Variants in CLK2 observed in about 807,000 individuals in gnomAD.
The protein encoded by CLK2 is CDC like kinase 2.
Under a neutral mutation model 73.5 loss-of-function variants are expected in CLK2, and 12 were observed. The observed-to-expected ratio is 0.16, with a 90% CI of 0.10 to 0.26. The LOEUF (loss-of-function observed/expected upper bound fraction) is 0.26. CLK2 is among the 10% of genes least tolerant of loss of function. The probability of loss-of-function intolerance (pLI) is 1.00; values close to 1 mark genes in which losing one functional copy is unlikely to be tolerated. For missense variants in CLK2, 509 were observed against 688.4 expected (o/e 0.74, Z 2.92); for synonymous variants, 232 against 237.9 (o/e 0.98, Z 0.23).
At chr1:155,266,039 G>A (rs1036210329) in intron 7 of CLK2, 85 bp from the exon 8 acceptor site, 2 of 875,856 alleles carry the variant, frequency 2.3e-6, no homozygotes, top group Admixed American at 1.7e-5. Context: ...GTTACCTAGG[G>A]CAAAGCCAGT....
At chr1:155,267,975 T>C (rs759953072) in intron 6 of CLK2, 35 bp downstream of exon 6, 2 of 1,491,454 alleles carry the variant, frequency 1.3e-6, no homozygotes, top group East Asian at 2.3e-5. Context: ...GGGTTGGGGC[T>C]CTCAGCCTCC....
chr1:155,265,767 G>A (rs1333891939), intron 8 of CLK2, 93 bp downstream of exon 8: 25 of 860,058 alleles, frequency 2.9e-5, no homozygotes, highest in South Asian at 9.3e-5. Flanking sequence ...GTGGGAGGAC[G>A]AAATAAAAGG....
Position 155,268,891 on chromosome 1 carries a change from G to C in CLK2, c.400-96C>G, listed in dbSNP as rs941071398. 2 of 732,640 alleles carry C rather than the reference G, an allele frequency of 2.7e-6. No homozygotes were observed. The highest frequency in any genetic ancestry group is 4.8e-6 in the Non-Finnish European group (2 of 415,520). The allele number at this position is 732,640 out of a possible 1,614,324, so 45.4% of individuals were successfully genotyped here. ...GGTAGAGGGGTCACCGGTCACAGGC[G>C]CCCAGCCAGGGGGGACAGACGATGA... On this transcript the variant is annotated intron_variant, in intron 3 of 12. Transcript: ENST00000368361. This position sits in a 1 kb window ranked among gnomAD's most constrained non-coding sequence, Gnocchi z 5.6.
intron 6 of CLK2, among the ~76,000 whole-genome samples, 197 bp from the exon 7 acceptor site, chr1:155,267,092 GT>G (rs1330947756): frequency 6.6e-6 from 1 of 151,876 alleles, no homozygotes; most frequent in Non-Finnish European, 1.5e-5. Context: ...TATCTGCCAG[GT>G]TTTTTTCTTT....
At chr1:155,266,690 G>A in intron 7 of CLK2, 39 bp downstream of exon 7, 1 of 1,590,860 alleles carries the variant, frequency 6.3e-7, no homozygotes, top group Non-Finnish European at 8.5e-7. Flanking sequence ...AATGAAGGGA[G>A]GGACTGCCCC....
intron 8 of CLK2, 78 bp from the exon 9 acceptor site, chr1:155,264,852 G>A: frequency 6.4e-7 from 1 of 1,557,796 alleles, no homozygotes; most frequent in Non-Finnish European, 8.8e-7. Flanking sequence ...TTGCTTCTGA[G>A]CCTTAAAAAA....
rs1249816318 is a variant in CLK2, at chr1:155,266,820, G to A, written c.747C>T (p.Ser249=). Residue 249 remains serine (S), a synonymous_variant, in exon 7 of 13, where the codon AGC becomes AGT. Coordinates refer to ENST00000368361, the MANE Select transcript of CLK2 (RefSeq NM_001294338.2). ...TGTTGTCTTTGAGGAAATCGAAGGT[G>A]CTAAGGCCCAGAAGCTCAAAGGAGA... ...MCISFELLGL[S]TFDFLKDNNY... is the part of the protein sequence containing the mutation. The A allele has an allele frequency of 6.2e-7, 1 of 1,613,232 alleles. No individual in the cohort carries two copies. Among genetic ancestry groups the A allele is most frequent in the Admixed American group, 1.7e-5 (1 of 59,822 alleles).
chr1:155,270,865 C>G lies in CLK2; in HGVS notation c.113G>C (p.Ser38Thr), dbSNP rs141175277. 4.6e-4 allele frequency: 746 copies of G among 1,614,208 alleles called. 2 individuals carry two copies. The highest frequency in any genetic ancestry group is 1.8e-3 in the Admixed American group (107 of 60,026). Reference protein sequence around the residue: ...KRRRSRSWSSSSDRTRRRRRE... With the variant: ...KRRRSRSWSSTSDRTRRRRRE... ...CCGACGCCGTCGTGTCCGGTCACTA[C>G]TACTTGACCAGGAGCGACTTCTTCG... The change falls in exon 2 of 13, where the codon AGT becomes ACT. Residue 38 changes from serine to threonine, a missense_variant. By Grantham distance (58) the Ser-to-Thr change is moderately conservative (BLOSUM62 1). Coordinates refer to ENST00000368361, the MANE Select transcript of CLK2 (RefSeq NM_001294338.2).
At chr1:155,265,024 A>G (rs992108768) in intron 8 of CLK2, among the ~76,000 whole-genome samples, 1 of 152,158 alleles carries the variant, frequency 6.6e-6, no homozygotes, top group African/African-American at 2.4e-5. Context: ...ACTACACTCA[A>G]GTGCCAGATA....
rs1673042848 is a variant in CLK2 at position 155,263,002 on chromosome 1, A to C, written c.*216T>G. On this transcript the variant is annotated 3_prime_UTR_variant, in exon 13 of 13. Transcript: ENST00000368361. ...CGTATGAGGGGGCAGGTGAGGGTGGAAACTGTGTGGATGGAATAGTATTAT... is the reference window on the plus strand; with the variant it reads ...CGTATGAGGGGGCAGGTGAGGGTGGCAACTGTGTGGATGGAATAGTATTAT... 2.0e-6 allele frequency: 1 copy of C among 489,234 alleles called. No individual in the cohort carries two copies. The highest frequency in any genetic ancestry group is 3.5e-6 in the Non-Finnish European group (1 of 285,640). The allele number at this position is 489,234 out of a possible 1,614,324, so 30.3% of individuals were successfully genotyped here.
At chr1:155,271,052 A>C in intron 1 of CLK2, 75 bp from the exon 2 acceptor site, 1 of 1,459,620 alleles carries the variant, frequency 6.9e-7, no homozygotes, top group Admixed American at 1.7e-5. Context: ...GGCTGCTCCA[A>C]AGATGCTAAG....
intron 1 of CLK2, among the ~76,000 whole-genome samples, chr1:155,271,327 G>A (rs943896313): frequency 1.8e-4 from 27 of 152,298 alleles, no homozygotes; most frequent in African/African-American, 6.3e-4. Context: ...CCAGGTTCAA[G>A]CAACTCTCCT....
Position 155,268,107 on chromosome 1 carries a change from G to C in CLK2, c.574C>G (p.Leu192Val). 4 of 1,614,108 alleles carry C rather than the reference G, an allele frequency of 2.5e-6. No individual in the cohort carries two copies. Among genetic ancestry groups the C allele is most frequent in the Non-Finnish European group, 3.4e-6 (4 of 1,179,986 alleles). ...TTCTCCACATTCTTAATGATCTTCA[G>C]GGCAACTCGAGCCCCACCCCTGTAA... ...DHRRGGARVA[L>V]KIIKNVEKYK... Residue 192 changes from leucine to valine, a missense_variant, in exon 6 of 13, where the codon CTG (leucine) becomes GTG (valine). Transcript: ENST00000368361. The surrounding 1 kb of genome is among the most constrained non-coding windows in gnomAD (Gnocchi z 5.6).
At chr1:155,270,611 G>A (rs1673448268) in intron 2 of CLK2, among the ~76,000 whole-genome samples, 197 bp downstream of exon 2, 2 of 152,142 alleles carry the variant, frequency 1.3e-5, no homozygotes, top group Admixed American at 1.3e-4. Flanking sequence ...CAAACGCACT[G>A]GGTACGTCCT....
At chr1:155,269,819 G>C (rs1673416340) in intron 2 of CLK2, 103 bp from the exon 3 acceptor site, 1 of 1,088,964 alleles carries the variant, frequency 9.2e-7, no homozygotes, top group Non-Finnish European at 1.4e-6. Context: ...AGTAATGCTA[G>C]AAAACTGTTC....
intron 1 of CLK2, 31 bp from the exon 2 acceptor site, chr1:155,271,008 A>C: frequency 6.3e-7 from 1 of 1,595,088 alleles, no homozygotes; most frequent in Non-Finnish European, 8.6e-7. Context: ...GAAATAGGAA[A>C]GTTTCGAGTT....
intron 1 of CLK2, among the ~76,000 whole-genome samples, chr1:155,272,380 G>C (rs1163366283): frequency 6.6e-6 from 1 of 152,142 alleles, no homozygotes; most frequent in Non-Finnish European, 1.5e-5. Flanking sequence ...CCAGTTAATG[G>C]AATTGGAATG....
At chr1:155,266,362 A>T (rs558687216) in intron 7 of CLK2, among the ~76,000 whole-genome samples, 1 of 152,302 alleles carries the variant, frequency 6.6e-6, no homozygotes, top group East Asian at 1.9e-4. Flanking sequence ...CTGTGAATGA[A>T]CATCTCATCC....
In CLK2 at chr1:155,269,511, G is replaced by A. The variant is rs375441160; in HGVS notation, c.376C>T (p.Arg126Trp). 197 of 1,613,868 alleles carry A rather than the reference G, an allele frequency of 1.2e-4. 1 individual carries two copies. Among genetic ancestry groups the A allele is most frequent in the Admixed American group, 2.0e-4 (12 of 60,026 alleles). The part of the protein sequence containing the change: ...RKHRRRRRRS[R>W]TFSRSSSQHS... The stretch of plus-strand genomic sequence containing the variant: ...ACCGAAGATGAGCGGCTAAATGTCC[G>A]GCTGCGCCTCCTCCGCCGTCTGTGC... The change falls in exon 3 of 13, where the codon CGG (arginine) becomes TGG (tryptophan). Residue 126 changes from arginine to tryptophan, a missense_variant. Physicochemically the swap from Arg to Trp is moderately radical, Grantham distance 101. Around this residue, in one of 6 missense-constraint regions of CLK2, gnomAD observed 222 missense variants for 221.7 expected, o/e 1.00. Transcript: ENST00000368361.
Sources: allele counts gnomAD v4.1 joint callset (sites outside exome capture counted in the v4.1 genomes callset), GRCh38; gene constraint gnomAD v4.1.1; regional missense constraint gnomAD v4.1.1; non-coding constraint Gnocchi (gnomAD v3.1); transcripts MANE v1.5; gene names NCBI Gene and HGNC (gene_info 2026-07-23, HGNC 2026-07-21).